CDH4: variants seen among roughly 807,000 people sequenced by gnomAD.
CDH4 encodes cadherin 4.
In CDH4, 33 loss-of-function variants were observed where a neutral mutation model predicts 86.0. That is an observed-to-expected ratio of 0.38 (90% confidence interval 0.29 to 0.51). The LOEUF is 0.51. Among genes scored for constraint, CDH4 ranks in the 20% least tolerant of loss-of-function variants. The pLI is 0.86. For synonymous variants in CDH4, 555 were observed against 549.4 expected, an observed-to-expected ratio of 1.01 and a Z score of -0.14; for missense variants, 1,114 against 1,307.4, an observed-to-expected ratio of 0.85 and a Z score of 2.28.
chr20:61,690,482 G>A (rs181319270), intron 2 of CDH4, among the ~76,000 whole-genome samples: 1 of 152,204 alleles, frequency 6.6e-6, no homozygotes, highest in African/African-American at 2.4e-5. Context: ...GGTTGGAAAG[G>A]CCGAGGCCAA....
chr20:61,430,882 G>A (rs1240598184), intron 2 of CDH4, among the ~76,000 whole-genome samples: 1 of 152,372 alleles, frequency 6.6e-6, no homozygotes, highest in East Asian at 1.9e-4. Flanking sequence ...AAAGGAGCCT[G>A]TGTGTCCATT....
At chr20:61,817,708 C>T (rs1290558807) in intron 4 of CDH4, among the ~76,000 whole-genome samples, 1 of 152,226 alleles carries the variant, frequency 6.6e-6, no homozygotes, top group African/African-American at 2.4e-5. Context: ...GGGGCATCCA[C>T]ACGTGCCGCC....
intron 10 of CDH4, among the ~76,000 whole-genome samples, chr20:61,924,097 G>A (rs1274407434): frequency 1.3e-5 from 2 of 152,238 alleles, no homozygotes; most frequent in Non-Finnish European, 2.9e-5. Flanking sequence ...ACCCACTACT[G>A]GATGAGCTTG....
chr20:61,638,471 A>T (rs2086971752), intron 2 of CDH4, among the ~76,000 whole-genome samples: 1 of 152,120 alleles, frequency 6.6e-6, no homozygotes, highest in Non-Finnish European at 1.5e-5. Flanking sequence ...GAAGAGCAGG[A>T]AGTGTTTTGA....
rs1980210060 is a variant in CDH4, at chr20:61,807,712, T to C, written c.576+34530T>C. On this transcript the variant is annotated intron_variant, in intron 4 of 15. Transcript: ENST00000614565. This position sits in a 1 kb window ranked among gnomAD's most constrained non-coding sequence, Gnocchi z 4.5. ...GACGGCTCTTCAGACTCAAACGGTG[T>C]GATGAACAAACCGACTCGGAAAATG... Among the ~76,000 whole-genome samples, 1 of 152,078 alleles carries C rather than the reference T, an allele frequency of 6.6e-6. No individual in the cohort carries two copies. The highest frequency in any genetic ancestry group is 2.4e-5 in the African/African-American group (1 of 41,396).
intron 2 of CDH4, among the ~76,000 whole-genome samples, chr20:61,701,644 A>G (rs2087777592): frequency 6.6e-6 from 1 of 152,218 alleles, no homozygotes; most frequent in African/African-American, 2.4e-5. Context: ...GTGGATTGCA[A>G]ACCAAAGCAA....
chr20:61,896,434 G>A (rs1250459931), intron 8 of CDH4, among the ~76,000 whole-genome samples: 3 of 152,208 alleles, frequency 2.0e-5, no homozygotes, highest in Non-Finnish European at 2.9e-5. Flanking sequence ...GGAGGTGGCT[G>A]TGAGCACACA....
rs1478500506 is a variant in CDH4 at position 61,393,603 on chromosome 20, G to A, written c.169+138666G>A. 6.6e-6 allele frequency among the ~76,000 whole-genome samples: 1 copy of A among 152,130 alleles called. No homozygotes were observed. The highest frequency in any genetic ancestry group is 1.5e-5 in the Non-Finnish European group (1 of 68,026). ...TGGCTGAACCCTATTCTAGGTGTTG[G>A]CAAGGTAGGTGTTGAGTAACAGAGA... On this transcript the variant is annotated intron_variant, in intron 2 of 15. Coordinates refer to ENST00000614565, the MANE Select transcript of CDH4 (RefSeq NM_001794.5). This position sits in a 1 kb window ranked among gnomAD's most constrained non-coding sequence, Gnocchi z 4.3.
At chr20:61,500,145 G>C (rs987890363) in intron 2 of CDH4, among the ~76,000 whole-genome samples, 4 of 152,332 alleles carry the variant, frequency 2.6e-5, no homozygotes, top group Non-Finnish European at 2.9e-5. Context: ...GCGTCCCCTG[G>C]CCTCGGGATG....
At chr20:61,832,086 C>T (rs961363510) in intron 4 of CDH4, among the ~76,000 whole-genome samples, 1 of 152,266 alleles carries the variant, frequency 6.6e-6, no homozygotes, top group Admixed American at 6.5e-5. Flanking sequence ...CCCATTCCAA[C>T]CTCCAGCCAT....
chr20:61,387,517 TAGCCACACAAACAGAAACACAC>T (rs2084958466), intron 2 of CDH4, among the ~76,000 whole-genome samples: 1 of 142,554 alleles, frequency 7.0e-6, no homozygotes, highest in Non-Finnish European at 1.5e-5. Flanking sequence ...GGCACACATA[TAGCCACACAAACAGAAACACAC>T]AGCCACACAA....
chr20:61,370,002 G>A (rs1159856488), intron 2 of CDH4: 1 of 152,376 alleles, frequency 6.6e-6, no homozygotes, highest in Non-Finnish European at 1.5e-5. Flanking sequence ...TAGGAGCGGG[G>A]TTTTATTCTG....
chr20:61,464,023 C>A (rs1175105386), intron 2 of CDH4, among the ~76,000 whole-genome samples: 1 of 152,220 alleles, frequency 6.6e-6, no homozygotes, highest in Non-Finnish European at 1.5e-5. Context: ...ATGACCCTCT[C>A]CTCAGCAGTT....
At chr20:61,766,383 T>C (rs891318296) in intron 3 of CDH4, among the ~76,000 whole-genome samples, 3 of 151,386 alleles carry the variant, frequency 2.0e-5, no homozygotes, top group Non-Finnish European at 4.4e-5. Flanking sequence ...TGGCCCAGCC[T>C]CCAGGCTGCA....
Position 61,511,445 on chromosome 20 carries a change from T to A in CDH4, c.170-232118T>A, listed in dbSNP as rs539669983. On this transcript the variant is annotated intron_variant, in intron 2 of 15. Coordinates refer to ENST00000614565, the MANE Select transcript of CDH4 (RefSeq NM_001794.5). Reference sequence around the variant, plus strand: ...TAATGCAGAATTCATTTTAAAAAAGTCCTTCCCCTAAAGCAAACTGCTGAG... The same window carrying A: ...TAATGCAGAATTCATTTTAAAAAAGACCTTCCCCTAAAGCAAACTGCTGAG... 3.9e-5 allele frequency among the ~76,000 whole-genome samples: 6 copies of A among 152,256 alleles called. No homozygotes were observed. In the East Asian group the frequency reaches 1.2e-3, roughly 29 times the overall value.
intron 9 of CDH4, among the ~76,000 whole-genome samples, chr20:61,913,743 C>G (rs1427020630): frequency 6.6e-6 from 1 of 152,214 alleles, no homozygotes; most frequent in Non-Finnish European, 1.5e-5. Context: ...TGCTTGGCAG[C>G]CATATCCTCA....
At chr20:61,454,854 G>T (rs1042816188) in intron 2 of CDH4, among the ~76,000 whole-genome samples, 1 of 152,300 alleles carries the variant, frequency 6.6e-6, no homozygotes, top group African/African-American at 2.4e-5. Context: ...ACTACGGGGG[G>T]CAGTGGTGCA....
chr20:61,919,211 A>G (rs1428049161), intron 9 of CDH4, among the ~76,000 whole-genome samples: 2 of 152,172 alleles, frequency 1.3e-5, no homozygotes, highest in East Asian at 1.9e-4. Context: ...TTGTACTGAA[A>G]TATCTTATTC....
intron 4 of CDH4, among the ~76,000 whole-genome samples, chr20:61,815,480 T>G (rs1366389905): frequency 6.6e-6 from 1 of 152,142 alleles, no homozygotes; most frequent in Non-Finnish European, 1.5e-5. Flanking sequence ...CTCCACCACA[T>G]CGGCCCAGGG....
Sources: gnomAD v4.1 joint callset for allele counts (sites outside exome capture counted in the v4.1 genomes callset) on GRCh38, gnomAD v4.1.1 for gene constraint, Gnocchi (gnomAD v3.1) non-coding constraint, MANE v1.5 for transcripts, NCBI Gene and HGNC (gene_info 2026-07-23, HGNC 2026-07-21) for gene names.